ATRNL1: variants seen among roughly 807,000 people sequenced by gnomAD.
ATRNL1 encodes attractin-like protein 1.
ATRNL1 carries 95 observed loss-of-function variants against 182.7 expected under a neutral mutation model. That is an observed-to-expected ratio of 0.52 (90% CI 0.44 to 0.62). The LOEUF (loss-of-function observed/expected upper bound fraction) is 0.62, where lower values mean the gene tolerates loss of function less well. Among genes scored for constraint, ATRNL1 ranks in the 20% least tolerant of loss-of-function variants. The pLI is 0.00. For missense variants in ATRNL1, 1,471 were observed against 1,679.5 expected, an observed-to-expected ratio of 0.88 and a Z score of 2.17; for synonymous variants, 576 against 568.3, an observed-to-expected ratio of 1.01 and a Z score of -0.19.
At chr10:115,527,661 CTCTT>C (rs558951368) in intron 25 of ATRNL1, among the ~76,000 whole-genome samples, 210 of 152,082 alleles carry the variant, frequency 1.4e-3, no homozygotes, top group African/African-American at 4.6e-3. Context: ...GGAAGTTGTA[CTCTT>C]TGTTTCATTT....
Position 115,294,519 on chromosome 10 carries a change from T to G in ATRNL1, c.2416-5515T>G, listed in dbSNP as rs184804483. ...TTCTTATTTTGTTGAATTGTCTATC[T>G]GTATTCTCCTATATCTCACTGAAGT... On this transcript the variant is annotated intron_variant, in intron 15 of 28. Transcript: ENST00000355044. Among the ~76,000 whole-genome samples, 348 of 152,338 alleles carry G rather than the reference T, an allele frequency of 2.3e-3. 1 individual carries two copies. Among genetic ancestry groups the G allele is most frequent in the Non-Finnish European group, 4.0e-3 (273 of 68,026 alleles).
chr10:115,852,008 C>T (rs868915553), intron 28 of ATRNL1, among the ~76,000 whole-genome samples: 1 of 152,136 alleles, frequency 6.6e-6, no homozygotes, highest in Non-Finnish European at 1.5e-5. Context: ...GTAAATAGAG[C>T]TCTTCAGATG....
chr10:115,572,290 C>G (rs982905928), intron 26 of ATRNL1, among the ~76,000 whole-genome samples: 1 of 152,020 alleles, frequency 6.6e-6, no homozygotes, highest in East Asian at 1.9e-4. Flanking sequence ...GTAGGGAGAA[C>G]AATTTGGAGC....
intron 27 of ATRNL1, among the ~76,000 whole-genome samples, chr10:115,833,273 G>A (rs1187735012): frequency 1.3e-5 from 2 of 152,164 alleles, no homozygotes; most frequent in Non-Finnish European, 2.9e-5. Flanking sequence ...TTTTATAGGT[G>A]AAGAAATTTG....
At position 115,630,827 on chromosome 10, in the gene ATRNL1, T is replaced by TACACAC. The variant is rs199640218; in HGVS notation, c.3795+81333_3795+81338dup. ...TAATAGATATATAATATATGTATTATACACACACACACACACACACACACA... is the reference window on the plus strand; with the variant it reads ...TAATAGATATATAATATATGTATTATACACACACACACACACACACACACACACACA... On this transcript the variant is annotated intron_variant, in intron 26 of 28. Transcript: ENST00000355044. 7.8e-3 allele frequency among the ~76,000 whole-genome samples: 1,011 copies of TACACAC among 129,822 alleles called. 8 individuals carry two copies. The highest frequency in any genetic ancestry group is 8.6e-3 in the Non-Finnish European group (522 of 60,922). The allele number at this position is 129,822 out of a possible 152,430, so 85.2% of individuals were successfully genotyped here. A position where few individuals can be genotyped will look rare whatever the true frequency, so the allele number is the denominator to read the frequency against.
chr10:115,934,547 T>G (rs1555122410), intron 28 of ATRNL1, among the ~76,000 whole-genome samples: 1 of 152,086 alleles, frequency 6.6e-6, no homozygotes, highest in East Asian at 1.9e-4. Context: ...ATACCAATTG[T>G]ATGCACCCAG....
At chr10:115,943,605 C>G (rs1326446966) in intron 28 of ATRNL1, among the ~76,000 whole-genome samples, 1 of 88,724 alleles carries the variant, frequency 1.1e-5, no homozygotes, top group Non-Finnish European at 2.3e-5. Flanking sequence ...CTGTGAAATA[C>G]AGTTTGGCTT....
chr10:115,299,729 C>T (rs1853379189), intron 15 of ATRNL1, among the ~76,000 whole-genome samples: 1 of 152,068 alleles, frequency 6.6e-6, no homozygotes, highest in South Asian at 2.1e-4. Flanking sequence ...ATAATCCTAC[C>T]TTATCAGATA....
At chr10:115,921,859 GT>G (rs1953073909) in intron 28 of ATRNL1, among the ~76,000 whole-genome samples, 1 of 152,190 alleles carries the variant, frequency 6.6e-6, no homozygotes, top group African/African-American at 2.4e-5. Flanking sequence ...ATTTTCAAGT[GT>G]TGGAAAATAA....
chr10:115,813,456 T>C (rs1950094278), intron 27 of ATRNL1, among the ~76,000 whole-genome samples: 1 of 152,178 alleles, frequency 6.6e-6, no homozygotes, highest in South Asian at 2.1e-4. Flanking sequence ...GCTGAGATGA[T>C]GAAAATACTG....
At chr10:115,338,276 C>T (rs557643678) in intron 19 of ATRNL1, among the ~76,000 whole-genome samples, 4 of 152,280 alleles carry the variant, frequency 2.6e-5, no homozygotes, top group East Asian at 1.9e-4. Flanking sequence ...CTGGATCATA[C>T]GGTTGCTCAA....
intron 26 of ATRNL1, among the ~76,000 whole-genome samples, chr10:115,673,149 C>T (rs528850479): frequency 6.6e-6 from 1 of 152,136 alleles, no homozygotes; most frequent in South Asian, 2.1e-4. Flanking sequence ...TGGAGATGCC[C>T]AGCAGGTGTT....
intron 15 of ATRNL1, among the ~76,000 whole-genome samples, chr10:115,290,133 A>G (rs1235156137): frequency 2.6e-5 from 4 of 151,774 alleles, no homozygotes; most frequent in African/African-American, 9.7e-5. Flanking sequence ...AGTATTGTAA[A>G]TGGTGTTACC....
At chr10:115,898,523 A>G (rs1283830340) in intron 28 of ATRNL1, among the ~76,000 whole-genome samples, 2 of 152,240 alleles carry the variant, frequency 1.3e-5, no homozygotes, top group African/African-American at 4.8e-5. Context: ...GTGCTGCTGT[A>G]TGAGCAGTGC....
At chr10:115,422,463 G>T (rs1375696138) in intron 20 of ATRNL1, among the ~76,000 whole-genome samples, 1 of 152,116 alleles carries the variant, frequency 6.6e-6, no homozygotes, top group Admixed American at 6.6e-5. Context: ...AACCATTAGA[G>T]AAATGCAAAT....
intron 20 of ATRNL1, among the ~76,000 whole-genome samples, chr10:115,403,647 G>C (rs1158396514): frequency 6.6e-6 from 1 of 152,068 alleles, no homozygotes; most frequent in Non-Finnish European, 1.5e-5. Flanking sequence ...GAGAGATGGG[G>C]TTTCATGTTG....
intron 19 of ATRNL1, among the ~76,000 whole-genome samples, chr10:115,364,526 A>G (rs1255871738): frequency 1.4e-5 from 2 of 147,384 alleles, no homozygotes; most frequent in Non-Finnish European, 3.0e-5. Flanking sequence ...TCTCCTGCCT[A>G]ATTGCCCTGG....
At chr10:115,831,515 T>G (rs61865160) in intron 27 of ATRNL1, among the ~76,000 whole-genome samples, 1,725 of 152,048 alleles carry the variant, frequency 0.011, 16 homozygotes, top group South Asian at 0.031. Context: ...ATCCCCCCAG[T>G]GAAAAGCACG....
chr10:115,707,524 A>G (rs1555053384), intron 26 of ATRNL1, among the ~76,000 whole-genome samples: 1 of 151,678 alleles, frequency 6.6e-6, no homozygotes, highest in Non-Finnish European at 1.5e-5. Flanking sequence ...GTATCCCCCA[A>G]GCCAAAGTAA....
Sources: allele counts gnomAD v4.1 joint callset (sites outside exome capture counted in the v4.1 genomes callset), GRCh38; gene constraint gnomAD v4.1.1; transcripts MANE v1.5; gene names NCBI Gene and HGNC (gene_info 2026-07-23, HGNC 2026-07-21).